The following CDKN2B-AS1 variants were observed in gnomAD, a reference collection of about 807,000 sequenced individuals.
The protein encoded by CDKN2B-AS1 is CDKN2B antisense RNA 1 (non-protein coding).
At chr9:22,115,463 A>C (rs997779700) in intron 4 of CDKN2B-AS1, among the ~76,000 whole-genome samples, 1 of 152,170 alleles carries the variant, frequency 6.6e-6, no homozygotes, top group African/African-American at 2.4e-5. Flanking sequence ...CACCAAGTAC[A>C]TGGAAAGAAA....
chr9:22,060,901 A>G (rs1823789798), intron 4 of CDKN2B-AS1, among the ~76,000 whole-genome samples: 1 of 152,198 alleles, frequency 6.6e-6, no homozygotes, highest in Non-Finnish European at 1.5e-5. Flanking sequence ...AGCACGAGAA[A>G]GATCGGCCCT....
At chr9:22,082,482 G>C (rs1236679696) in intron 4 of CDKN2B-AS1, among the ~76,000 whole-genome samples, 2 of 152,194 alleles carry the variant, frequency 1.3e-5, no homozygotes, top group Non-Finnish European at 2.9e-5. Context: ...TACAGAGCCA[G>C]ACTTGGAACT....
At position 22,000,230 on chromosome 9, in the gene CDKN2B-AS1, G is replaced by T. The variant is rs1248108840; in HGVS notation, n.29+5069G>T. Among the ~76,000 whole-genome samples the T allele has an allele frequency of 1.3e-5, 2 of 152,090 alleles. No individual in the cohort carries two copies. Among genetic ancestry groups the T allele is most frequent in the Non-Finnish European group, 2.9e-5 (2 of 67,984 alleles). On this transcript the variant is annotated intron_variant and non_coding_transcript_variant, in intron 1 of 4. Coordinates refer to ENST00000650946, the Ensembl canonical transcript of CDKN2B-AS1. The surrounding 1 kb of genome is among the most constrained non-coding windows in gnomAD (Gnocchi z 4.1). ...TGAGAAACAATTTTCTGAAATGGAA[G>T]GGGTTTTAAACTTGTTGTCCTCAAA...
chr9:22,104,320 T>C (rs1020645176), intron 4 of CDKN2B-AS1, among the ~76,000 whole-genome samples: 2 of 152,222 alleles, frequency 1.3e-5, no homozygotes, highest in African/African-American at 4.8e-5. Flanking sequence ...AGGAAACCTG[T>C]AGCTAGAGGC....
chr9:22,057,028 T>C (rs1823602238), intron 4 of CDKN2B-AS1, among the ~76,000 whole-genome samples: 1 of 152,250 alleles, frequency 6.6e-6, no homozygotes, highest in African/African-American at 2.4e-5. Context: ...TCTTGCCATA[T>C]AATAACATAT....
At chr9:22,067,378 A>G (rs1343642774) in intron 4 of CDKN2B-AS1, among the ~76,000 whole-genome samples, 4 of 152,152 alleles carry the variant, frequency 2.6e-5, no homozygotes, top group African/African-American at 9.7e-5. Context: ...TGTGTTCACA[A>G]TGAGGATAGG....
chr9:22,085,385 AC>A (rs936137498), intron 4 of CDKN2B-AS1, among the ~76,000 whole-genome samples: 1 of 152,114 alleles, frequency 6.6e-6, no homozygotes, highest in African/African-American at 2.4e-5. Context: ...ACCTAGCCAC[AC>A]CTACATCTTG....
At chr9:22,091,698 G>C (rs912126274) in intron 4 of CDKN2B-AS1, among the ~76,000 whole-genome samples, 1 of 152,164 alleles carries the variant, frequency 6.6e-6, no homozygotes, top group Non-Finnish European at 1.5e-5. Flanking sequence ...TGCTGAAGTT[G>C]CTTATCAGCT....
intron 1 of CDKN2B-AS1, among the ~76,000 whole-genome samples, chr9:22,015,922 G>C (rs1463551005): frequency 2.6e-5 from 4 of 152,094 alleles, no homozygotes; most frequent in African/African-American, 7.2e-5. Flanking sequence ...CATATCCTTC[G>C]CCCATTTTTT....
chr9:22,113,053 A>G (rs1181982073), intron 4 of CDKN2B-AS1, among the ~76,000 whole-genome samples: 1 of 152,198 alleles, frequency 6.6e-6, no homozygotes, highest in African/African-American at 2.4e-5. Flanking sequence ...CATTATAACA[A>G]GTCACCACAA....
intron 4 of CDKN2B-AS1, among the ~76,000 whole-genome samples, chr9:22,064,497 G>A (rs1823956227): frequency 6.6e-6 from 1 of 152,176 alleles, no homozygotes. Flanking sequence ...AAAGGGTTAA[G>A]AACGAGGGGA....
chr9:22,043,040 G>A (rs1370744828), intron 1 of CDKN2B-AS1, among the ~76,000 whole-genome samples: 3 of 151,948 alleles, frequency 2.0e-5, no homozygotes, highest in Non-Finnish European at 2.9e-5. Context: ...TATTTTTAGC[G>A]TCTTTTCTCT....
intron 1 of CDKN2B-AS1, chr9:22,008,696 G>C: frequency 2.5e-6 from 4 of 1,611,096 alleles, no homozygotes; most frequent in Non-Finnish European, 3.4e-6. Context: ...GGAGACTCCT[G>C]TACAAATCTA....
intron 1 of CDKN2B-AS1, among the ~76,000 whole-genome samples, chr9:22,015,104 T>C (rs1821683361): frequency 6.6e-6 from 1 of 152,106 alleles, no homozygotes; most frequent in Admixed American, 6.5e-5. Context: ...GCATGATTTA[T>C]AATCCTTTGG....
intron 4 of CDKN2B-AS1, among the ~76,000 whole-genome samples, chr9:22,085,931 A>G (rs996471024): frequency 1.3e-5 from 2 of 151,096 alleles, no homozygotes; most frequent in Admixed American, 1.3e-4. Context: ...CAATTTCACA[A>G]TCTCTTGATT....
At chr9:22,108,102 T>C (rs1825706353) in intron 4 of CDKN2B-AS1, among the ~76,000 whole-genome samples, 1 of 152,222 alleles carries the variant, frequency 6.6e-6, no homozygotes, top group Admixed American at 6.5e-5. Flanking sequence ...TATTTTTTTG[T>C]TATATATTAG....
At chr9:22,014,642 G>A (rs1200943669) in intron 1 of CDKN2B-AS1, among the ~76,000 whole-genome samples, 1 of 151,626 alleles carries the variant, frequency 6.6e-6, no homozygotes, top group Non-Finnish European at 1.5e-5. Flanking sequence ...AAGTTTTAGG[G>A]TACATGTGCA....
At chr9:22,089,985 A>G (rs1189089300) in intron 4 of CDKN2B-AS1, among the ~76,000 whole-genome samples, 25 of 48,760 alleles carry the variant, frequency 5.1e-4, no homozygotes, top group Non-Finnish European at 6.7e-4. Context: ...CCCTCCCCCC[A>G]CCCCACAACA....
chr9:22,049,997 T>C (rs1342231708), intron 3 of CDKN2B-AS1, among the ~76,000 whole-genome samples: 1 of 152,186 alleles, frequency 6.6e-6, no homozygotes, highest in African/African-American at 2.4e-5. Flanking sequence ...GACATTGCCT[T>C]TTTGTCCTCA....
Sources: gnomAD v4.1 joint callset for allele counts (sites outside exome capture counted in the v4.1 genomes callset) on GRCh38, gnomAD v4.1.1 for gene constraint, Gnocchi (gnomAD v3.1) non-coding constraint, MANE v1.5 for transcripts, NCBI Gene and HGNC (gene_info 2026-07-23, HGNC 2026-07-21) for gene names.